The following NACC2 variants were observed in gnomAD, a reference collection of about 807,000 sequenced individuals.
NACC2 encodes the protein nucleus accumbens-associated protein 2.
NACC2 carries 8 observed loss-of-function variants against 25.1 expected under a neutral mutation model. The ratio of observed to expected loss-of-function variants is 0.32; its 90% CI spans 0.19 to 0.57. The LOEUF (loss-of-function observed/expected upper bound fraction) is 0.57, where lower values mean the gene tolerates loss of function less well. NACC2 is among the 20% of genes least tolerant of loss of function. NACC2 has a pLI of 0.89. For missense variants in NACC2, 644 were observed against 650.2 expected (o/e 0.99, Z 0.10); for synonymous variants, 435 against 294.7 (o/e 1.48, Z -4.88).
chr9:136,047,189 G>A (rs973145741), intron 2 of NACC2, among the ~76,000 whole-genome samples: 2 of 152,270 alleles, frequency 1.3e-5, no homozygotes, highest in Middle Eastern at 3.4e-3. Context: ...GCGTGGGTGT[G>A]AGGACGTTCC....
chr9:136,026,806 A>G (rs1840398833), intron 2 of NACC2, among the ~76,000 whole-genome samples: 1 of 152,378 alleles, frequency 6.6e-6, no homozygotes, highest in Non-Finnish European at 1.5e-5. Flanking sequence ...TTAATCAGAA[A>G]GGAGGGACAA....
At chr9:136,044,928 G>GC (rs1404704516) in intron 2 of NACC2, among the ~76,000 whole-genome samples, 1 of 152,190 alleles carries the variant, frequency 6.6e-6, no homozygotes, top group African/African-American at 2.4e-5. Context: ...GATGGACGGG[G>GC]CCAGTGCTGA....
intron 1 of NACC2, among the ~76,000 whole-genome samples, chr9:136,081,227 G>C (rs1471846560): frequency 6.6e-6 from 1 of 152,226 alleles, no homozygotes; most frequent in Non-Finnish European, 1.5e-5. Flanking sequence ...GAACCAGGTG[G>C]ACTCAGTCCC....
intron 1 of NACC2, among the ~76,000 whole-genome samples, chr9:136,090,934 C>A (rs1392680395): frequency 6.6e-6 from 1 of 152,196 alleles, no homozygotes; most frequent in Non-Finnish European, 1.5e-5. Context: ...CGCCCCCAGC[C>A]CTGCCTGCTT....
At position 136,011,368 on chromosome 9, in the gene NACC2, A is replaced by G. The variant is rs973524689; in HGVS notation, c.*148T>C. On this transcript the variant is annotated 3_prime_UTR_variant, in exon 6 of 6. Coordinates refer to ENST00000277554, the MANE Select transcript of NACC2 (RefSeq NM_144653.5). ...ATGAATGCATTTGTTTCCTTCATCA[A>G]TTTTAAATACAAGCAGAATAAAAAT... 1 of 952,264 alleles carries G rather than the reference A, an allele frequency of 1.1e-6. No individual in the cohort carries two copies. Among genetic ancestry groups the G allele is most frequent in the Non-Finnish European group, 1.4e-6 (1 of 714,782 alleles). 59.0% of individuals were successfully genotyped at this position (952,264 alleles called of 1,614,324 possible). A position where few individuals can be genotyped will look rare whatever the true frequency, so the allele number is the denominator to read the frequency against.
intron 1 of NACC2, among the ~76,000 whole-genome samples, chr9:136,091,781 A>G (rs959610106): frequency 1.3e-5 from 2 of 152,108 alleles, no homozygotes; most frequent in African/African-American, 2.4e-5. Flanking sequence ...CATATTTTAC[A>G]AATGATCTCA....
intron 1 of NACC2, among the ~76,000 whole-genome samples, chr9:136,059,205 G>A (rs1193147462): frequency 6.6e-6 from 1 of 152,226 alleles, no homozygotes; most frequent in East Asian, 1.9e-4. Flanking sequence ...CAGGAGCAGG[G>A]CCATTCCCCG....
At chr9:136,092,838 C>A (rs1830446869) in intron 1 of NACC2, among the ~76,000 whole-genome samples, 1 of 152,220 alleles carries the variant, frequency 6.6e-6, no homozygotes. Flanking sequence ...TGGACTCCGA[C>A]CCTCATCCCA....
At chr9:136,087,976 C>T (rs943097815) in intron 1 of NACC2, among the ~76,000 whole-genome samples, 2 of 152,246 alleles carry the variant, frequency 1.3e-5, no homozygotes, top group African/African-American at 2.4e-5. Flanking sequence ...GACCTGGGGA[C>T]TCTGCTGGGA....
chr9:136,094,963 G>A (rs1194849888), intron 1 of NACC2, among the ~76,000 whole-genome samples: 13 of 146,216 alleles, frequency 8.9e-5, no homozygotes, highest in Admixed American at 3.4e-4. Flanking sequence ...GGACCCCCCG[G>A]CCCCGCCCGG....
chr9:136,027,585 G>T (rs1409470087), intron 2 of NACC2, among the ~76,000 whole-genome samples: 4 of 151,946 alleles, frequency 2.6e-5, no homozygotes, highest in Admixed American at 2.6e-4. Flanking sequence ...ATCCAAAAAG[G>T]TTTGTAAATT....
intron 1 of NACC2, among the ~76,000 whole-genome samples, chr9:136,077,062 C>T (rs568958762): frequency 4.2e-4 from 63 of 151,554 alleles, no homozygotes; most frequent in African/African-American, 1.5e-3. Flanking sequence ...CGCCTGTAGT[C>T]CCAGCCACTT....
chr9:136,057,079 C>G (rs978102802), intron 1 of NACC2, among the ~76,000 whole-genome samples: 1 of 152,182 alleles, frequency 6.6e-6, no homozygotes, highest in African/African-American at 2.4e-5. Context: ...GGAGGACGCT[C>G]CATCCTCGGC....
chr9:136,034,777 TG>T (rs1225656782), intron 2 of NACC2, among the ~76,000 whole-genome samples: 1 of 152,004 alleles, frequency 6.6e-6, no homozygotes, highest in Non-Finnish European at 1.5e-5. Context: ...CTAGTAAATA[TG>T]GGAGTTGTGG....
intron 2 of NACC2, among the ~76,000 whole-genome samples, chr9:136,047,702 A>T (rs1332039633): frequency 6.6e-6 from 1 of 151,924 alleles, no homozygotes; most frequent in Non-Finnish European, 1.5e-5. Flanking sequence ...TCCCGTCCCC[A>T]CCCAACACAC....
intron 2 of NACC2, among the ~76,000 whole-genome samples, chr9:136,036,486 C>T (rs1198216286): frequency 6.6e-6 from 1 of 152,188 alleles, no homozygotes; most frequent in Non-Finnish European, 1.5e-5. Context: ...TACATACACA[C>T]ACACATAAAT....
chr9:136,028,352 C>G (rs1271883799), intron 2 of NACC2, among the ~76,000 whole-genome samples: 1 of 150,634 alleles, frequency 6.6e-6, no homozygotes, highest in Admixed American at 6.6e-5. Flanking sequence ...CTTTCTGCCA[C>G]TTGTCCTTCT....
Position 136,038,235 on chromosome 9 carries a change from C to T in NACC2, c.886+11401G>A, listed in dbSNP as rs189896375. ...CTGGGGAGGTGACTACATGACTATA[C>T]GTATTTTTTTAAACACCAGGCTGGG... is the stretch of plus-strand genomic sequence containing the variant. On this transcript the variant is annotated intron_variant, in intron 2 of 5. Transcript: ENST00000277554. Among the ~76,000 whole-genome samples, 217 of 152,238 alleles carry T rather than the reference C, an allele frequency of 1.4e-3. 2 individuals carry two copies. The highest frequency in any genetic ancestry group is 4.4e-3 in the African/African-American group (182 of 41,538).
chr9:136,007,856 AAC>A lies in NACC2; in HGVS notation c.*3658_*3659del, dbSNP rs1840048728. 2 of 152,224 alleles carry A rather than the reference AAC, an allele frequency of 1.3e-5. No individual in the cohort carries two copies. Among genetic ancestry groups the A allele is most frequent in the African/African-American group, 2.4e-5 (1 of 41,436 alleles). 9.4% of individuals were successfully genotyped at this position (152,224 alleles called of 1,614,324 possible). A position where few individuals can be genotyped will look rare whatever the true frequency, so the allele number is the denominator to read the frequency against. ...GGGTGGGGGGACTGGGCCAGCGCTT[AAC>A]AGTTTCAGCTGTCGAATGAGGACAG... On this transcript the variant is annotated 3_prime_UTR_variant, in exon 6 of 6. Coordinates refer to ENST00000277554, the MANE Select transcript of NACC2 (RefSeq NM_144653.5).
Sources: allele counts gnomAD v4.1 joint callset (sites outside exome capture counted in the v4.1 genomes callset), GRCh38; gene constraint gnomAD v4.1.1; transcripts MANE v1.5; gene names NCBI Gene and HGNC (gene_info 2026-07-23, HGNC 2026-07-21).